Variants in AADAT observed in about 807,000 individuals in gnomAD.
The protein encoded by AADAT is aminoadipate aminotransferase, also known as kynurenine/alpha-aminoadipate aminotransferase, mitochondrial.
A neutral mutation model predicts 56.2 loss-of-function variants in AADAT; 25 were observed. The observed-to-expected ratio is 0.44, with a 90% CI of 0.32 to 0.62. AADAT has a LOEUF of 0.62. AADAT is among the 20% of genes least tolerant of loss of function. The probability of loss-of-function intolerance (pLI) is 0.04; values close to 1 mark genes in which losing one functional copy is unlikely to be tolerated. For synonymous variants in AADAT, 173 were observed against 164.7 expected (o/e 1.05, Z -0.39); for missense variants, 387 against 510.5 (o/e 0.76, Z 2.33).
At chr4:170,085,895 A>C (rs1486630387) in intron 3 of AADAT, among the ~76,000 whole-genome samples, 2 of 152,192 alleles carry the variant, frequency 1.3e-5, no homozygotes, top group African/African-American at 4.8e-5. Flanking sequence ...TTTCCATGAA[A>C]AAGAAAACTA....
chr4:170,061,299 C>T (rs1431049850), intron 12 of AADAT, among the ~76,000 whole-genome samples: 1 of 152,106 alleles, frequency 6.6e-6, no homozygotes, highest in Non-Finnish European at 1.5e-5. Context: ...TTGCCCAACT[C>T]CACTAATACA....
intron 3 of AADAT, among the ~76,000 whole-genome samples, chr4:170,086,178 C>T (rs963267541): frequency 2.0e-5 from 3 of 151,346 alleles, no homozygotes; most frequent in Admixed American, 6.6e-5. Context: ...CCAGGGAGGT[C>T]GAGACTGCAG....
chr4:170,069,190 C>T lies in AADAT; in HGVS notation c.761G>A (p.Arg254His), dbSNP rs1272660297. Residue 254 changes from arginine to histidine, a missense_variant, in exon 7 of 13, where the codon CGT (arginine) becomes CAT (histidine). Transcript: ENST00000337664. Reference protein sequence around the residue: ...PTFLSMDVDGRVIRADSFSKI... With the variant: ...PTFLSMDVDGHVIRADSFSKI... Reference sequence around the variant, plus strand: ...TGAAAAAGAGTCAGCTCTGATGACACGTCCATCAACATCCATGGAAAGAAA... The same window carrying T: ...TGAAAAAGAGTCAGCTCTGATGACATGTCCATCAACATCCATGGAAAGAAA... 3.1e-6 allele frequency: 5 copies of T among 1,613,680 alleles called. No individual in the cohort carries two copies. The highest frequency in any genetic ancestry group is 2.2e-5 in the East Asian group (1 of 44,848).
chr4:170,093,621 G>GTC (rs1479809001), upstream of AADAT, among the ~76,000 whole-genome samples: 1 of 152,140 alleles, frequency 6.6e-6, no homozygotes, highest in African/African-American at 2.4e-5. Context: ...AGTGTCTAGA[G>GTC]TCTCACTTTG....
rs569755075 is a variant in AADAT, at chr4:170,060,515, T to G, written c.*413A>C. The G allele has an allele frequency of 6.5e-6, 1 of 154,498 alleles. No homozygotes were observed. Among genetic ancestry groups the G allele is most frequent in the East Asian group, 1.9e-4 (1 of 5,284 alleles). The allele number at this position is 154,498 out of a possible 1,614,324, so 9.6% of individuals were successfully genotyped here. ...TAATAAATCCAAGATAAAAGTAACT[T>G]TTTACAGGTTGAAAGTTTTTCAAAA... is the stretch of plus-strand genomic sequence containing the variant. On this transcript the variant is annotated 3_prime_UTR_variant, in exon 13 of 13. Transcript: ENST00000337664.
At chr4:170,090,330 C>T (rs1273855450), upstream of AADAT, 1 of 152,336 alleles carries the variant, frequency 6.6e-6, no homozygotes, top group African/African-American at 2.4e-5. Context: ...GGAGCGGCCC[C>T]ACCCTCGTTC....
chr4:170,062,223 C>A (rs1326773899), intron 11 of AADAT, among the ~76,000 whole-genome samples: 2 of 152,140 alleles, frequency 1.3e-5, no homozygotes, highest in Admixed American at 6.5e-5. Context: ...AATGCTATCT[C>A]TTCTCAAAAC....
At chr4:170,066,335 G>A in intron 10 of AADAT, 79 bp downstream of exon 10, 1 of 1,196,818 alleles carries the variant, frequency 8.4e-7, no homozygotes, top group Non-Finnish European at 1.2e-6. Context: ...CACCAGGATT[G>A]TTAGTAATAT....
upstream of AADAT, among the ~76,000 whole-genome samples, chr4:170,092,329 C>A (rs1403755761): frequency 2.0e-5 from 3 of 152,226 alleles, no homozygotes; most frequent in African/African-American, 7.2e-5. Flanking sequence ...AGACCACGCA[C>A]CCACAGGGAG....
chr4:170,088,544 G>A lies in AADAT; in HGVS notation c.88C>T (p.Pro30Ser). 1.9e-6 allele frequency: 3 copies of A among 1,612,808 alleles called. No individual in the cohort carries two copies. Among genetic ancestry groups the A allele is most frequent in the Non-Finnish European group, 2.5e-6 (3 of 1,178,936 alleles). ...RTMTDILSRGPKSMISLAGGL... is the reference protein window; with the variant it reads ...RTMTDILSRGSKSMISLAGGL... ...CCAGCCAAGGAGATCATCGATTTTG[G>A]TCCTCTGCTCAATATGTCAGCTACA... Residue 30 changes from proline (P) to serine (S), a missense_variant, in exon 2 of 13, where the codon CCA becomes TCA. Pro to Ser is a moderately conservative substitution (Grantham distance 74). Transcript: ENST00000337664.
chr4:170,080,861 A>C (rs1428443922), intron 3 of AADAT, among the ~76,000 whole-genome samples: 1 of 152,192 alleles, frequency 6.6e-6, no homozygotes, highest in Non-Finnish European at 1.5e-5. Context: ...AAACTAGAAT[A>C]AATAACTAAT....
chr4:170,085,830 T>C (rs1019977044), intron 3 of AADAT, among the ~76,000 whole-genome samples: 1 of 152,170 alleles, frequency 6.6e-6, no homozygotes, highest in Non-Finnish European at 1.5e-5. Context: ...CCCATTATTC[T>C]GTAACAATAA....
intron 5 of AADAT, among the ~76,000 whole-genome samples, chr4:170,070,883 T>C (rs1731726446): frequency 6.6e-6 from 1 of 152,196 alleles, no homozygotes; most frequent in African/African-American, 2.4e-5. Context: ...CTGTGGATCA[T>C]GAGCAGAATA....
At chr4:170,091,657 C>T (rs984150617), upstream of AADAT, 4 of 152,874 alleles carry the variant, frequency 2.6e-5, no homozygotes, top group African/African-American at 9.6e-5. Flanking sequence ...ACCTGTGGCC[C>T]CAGTGCCGGC....
chr4:170,068,474 G>A (rs937808761), intron 8 of AADAT, 117 bp downstream of exon 8: 19 of 675,434 alleles, frequency 2.8e-5, no homozygotes, highest in Non-Finnish European at 3.9e-5. Context: ...TGTCTGCAAA[G>A]AAGGCAAACT....
chr4:170,070,647 T>C lies in AADAT; in HGVS notation c.660A>G (p.Ala220=), dbSNP rs184317673. The part of the protein sequence containing the change: ...SERKKEIYEL[A]RKYDFLIIED... The stretch of plus-strand genomic sequence containing the variant: ...CTATTATGAGGAAATCATATTTTCT[T>C]GCAAGCTAAAAAAGGTTGAAGTAAT... The change falls in exon 6 of 13, where the codon GCA becomes GCG. Residue 220 remains alanine, a synonymous_variant. Transcript: ENST00000337664. 84 of 1,563,064 alleles carry C rather than the reference T, an allele frequency of 5.4e-5. 4 individuals carry two copies. The Admixed American group carries it at 1.1e-3, about 21-fold the overall frequency.
chr4:170,080,836 TCAAA>T (rs927375517), intron 3 of AADAT, among the ~76,000 whole-genome samples: 39 of 151,794 alleles, frequency 2.6e-4, no homozygotes, highest in Admixed American at 9.2e-4. Context: ...GCCAGACAAA[TCAAA>T]CAAACAAACA....
In AADAT at chr4:170,070,646, T is replaced by C; in HGVS notation, c.661A>G (p.Arg221Gly). ...ERKKEIYELA[R>G]KYDFLIIEDD... ...TCTATTATGAGGAAATCATATTTTC[T>C]TGCAAGCTAAAAAAGGTTGAAGTAA... is the stretch of plus-strand genomic sequence containing the variant. The change falls in exon 6 of 13, where the codon AGA becomes GGA. Residue 221 changes from arginine (R) to glycine (G), a missense_variant. By Grantham distance (125) the Arg-to-Gly change is moderately radical. Coordinates refer to ENST00000337664, the MANE Select transcript of AADAT (RefSeq NM_016228.4). 6.4e-7 allele frequency: 1 copy of C among 1,564,962 alleles called. No individual in the cohort carries two copies. The highest frequency in any genetic ancestry group is 8.7e-7 in the Non-Finnish European group (1 of 1,145,532).
chr4:170,067,517 T>C (rs1731528960), intron 8 of AADAT, 129 bp from the exon 9 acceptor site: 3 of 619,664 alleles, frequency 4.8e-6, no homozygotes, highest in African/African-American at 3.7e-5. Context: ...GCCTAGCTTA[T>C]ATAGTCAGTG....
Sources: gnomAD v4.1 joint callset for allele counts (sites outside exome capture counted in the v4.1 genomes callset) on GRCh38, gnomAD v4.1.1 for gene constraint, MANE v1.5 for transcripts, NCBI Gene and HGNC (gene_info 2026-07-23, HGNC 2026-07-21) for gene names.